Variants in MAP3K5 observed in about 807,000 individuals in gnomAD.
MAP3K5 encodes the protein mitogen-activated protein kinase kinase kinase 5.
In MAP3K5, 56 loss-of-function variants were observed where a neutral mutation model predicts 158.7. That is an observed-to-expected ratio of 0.35 (90% CI 0.28 to 0.44). The LOEUF (loss-of-function observed/expected upper bound fraction) is 0.44, where lower values mean the gene tolerates loss of function less well. MAP3K5 is among the 20% of genes least tolerant of loss of function. The probability of loss-of-function intolerance (pLI) is 1.00; values close to 1 mark genes in which losing one functional copy is unlikely to be tolerated. For synonymous variants in MAP3K5, 579 were observed against 601.7 expected (o/e 0.96, Z 0.55); for missense variants, 1,294 against 1,674.8 (o/e 0.77, Z 3.97).
chr6:136,659,113 TTTTATAA>T, intron 9 of MAP3K5, 99 bp downstream of exon 9: 1 of 1,036,832 alleles, frequency 9.6e-7, no homozygotes, highest in East Asian at 2.6e-5. Flanking sequence ...CTGCATTTTA[TTTTATAA>T]GCAAATAAAA....
At chr6:136,641,849 A>G (rs978059577) in intron 12 of MAP3K5, among the ~76,000 whole-genome samples, 1 of 151,530 alleles carries the variant, frequency 6.6e-6, no homozygotes, top group Non-Finnish European at 1.5e-5. Flanking sequence ...TTAGCTGGGC[A>G]TGGTGACATG....
At chr6:136,719,703 G>A (rs1319800128) in intron 2 of MAP3K5, among the ~76,000 whole-genome samples, 10 of 152,200 alleles carry the variant, frequency 6.6e-5, no homozygotes, top group Non-Finnish European at 1.2e-4. Context: ...GGTTGGCTCA[G>A]ATTTGGGAAC....
At chr6:136,643,549 T>C (rs1434901268) in intron 11 of MAP3K5, among the ~76,000 whole-genome samples, 7 of 152,214 alleles carry the variant, frequency 4.6e-5, no homozygotes, top group Non-Finnish European at 7.3e-5. Flanking sequence ...TGAGGTGGCC[T>C]AGAACCCTCC....
Position 136,761,543 on chromosome 6 carries a change from A to G in MAP3K5, c.448+30167T>C, listed in dbSNP as rs541856289. ...AACTGTCAACACAATAAAACTACAG[A>G]ACTTGAAAGGGGAAAATGGGAAAAT... is the stretch of plus-strand genomic sequence containing the variant. On this transcript the variant is annotated intron_variant, in intron 1 of 29. Coordinates refer to ENST00000359015, the MANE Select transcript of MAP3K5 (RefSeq NM_005923.4). Among the ~76,000 whole-genome samples, 12 of 152,232 alleles carry G rather than the reference A, an allele frequency of 7.9e-5. No individual in the cohort carries two copies. The South Asian group carries it at 1.2e-3, about 16-fold the overall frequency.
chr6:136,568,857 CAAA>C (rs60185973), intron 25 of MAP3K5, among the ~76,000 whole-genome samples: 1 of 45,940 alleles, frequency 2.2e-5, no homozygotes, highest in Non-Finnish European at 4.2e-5. Context: ...GAGTCTGTCT[CAAA>C]AAAAAAAAAA....
intron 7 of MAP3K5, among the ~76,000 whole-genome samples, chr6:136,680,211 T>C (rs761894608): frequency 6.6e-6 from 1 of 152,220 alleles, no homozygotes; most frequent in Admixed American, 6.5e-5. Flanking sequence ...GTCTAACAGA[T>C]ACAGACTTTT....
chr6:136,704,828 G>A (rs1484254237), intron 3 of MAP3K5, among the ~76,000 whole-genome samples: 2 of 152,158 alleles, frequency 1.3e-5, no homozygotes, highest in Non-Finnish European at 2.9e-5. Context: ...TTACAGGCAT[G>A]AGCCATCATA....
intron 23 of MAP3K5, among the ~76,000 whole-genome samples, chr6:136,584,699 G>A (rs920063685): frequency 6.6e-6 from 1 of 152,016 alleles, no homozygotes; most frequent in Non-Finnish European, 1.5e-5. Context: ...CAGGGAGGGA[G>A]AGGAGAAGTG....
chr6:136,711,774 C>G (rs765408816), intron 2 of MAP3K5, among the ~76,000 whole-genome samples: 12 of 151,880 alleles, frequency 7.9e-5, no homozygotes, highest in Non-Finnish European at 1.3e-4. Flanking sequence ...TATGTAAAGG[C>G]CAAATGGAGT....
chr6:136,751,874 T>C (rs927233936), intron 1 of MAP3K5, among the ~76,000 whole-genome samples: 1 of 152,224 alleles, frequency 6.6e-6, no homozygotes, highest in Non-Finnish European at 1.5e-5. Context: ...TTGCCACCCT[T>C]GAGACATAGG....
intron 25 of MAP3K5, among the ~76,000 whole-genome samples, chr6:136,568,690 T>C (rs571743595): frequency 2.0e-5 from 3 of 151,920 alleles, no homozygotes; most frequent in East Asian, 3.9e-4. Flanking sequence ...CTGGCCAACA[T>C]AGTGAAACCC....
chr6:136,697,224 T>C lies in MAP3K5; in HGVS notation c.970A>G (p.Ile324Val), dbSNP rs373910112. ...CACTTTAAACATCTTCTCACCTGGA[T>C]ATCTCTGTAGGAAAGTAACAGATTT... ...VINLLLSYRD[I>V]QDYDSIVKLV... Residue 324 changes from isoleucine (I) to valine (V), a missense_variant, in exon 5 of 30, where the codon ATC (isoleucine) becomes GTC (valine). Ile to Val is a conservative substitution (Grantham distance 29, BLOSUM62 3). Transcript: ENST00000359015. 3.1e-6 allele frequency: 5 copies of C among 1,611,688 alleles called. No homozygotes were observed. The highest frequency in any genetic ancestry group is 4.2e-6 in the Non-Finnish European group (5 of 1,178,576).
At chr6:136,605,390 C>T in intron 18 of MAP3K5, 24 bp from the exon 19 acceptor site, 9 of 1,584,070 alleles carry the variant, frequency 5.7e-6, no homozygotes, top group Non-Finnish European at 7.7e-6. Flanking sequence ...AAACACATTT[C>T]CATTTTAAAA....
intron 1 of MAP3K5, among the ~76,000 whole-genome samples, chr6:136,748,377 C>G (rs990859986): frequency 3.9e-5 from 6 of 152,108 alleles, no homozygotes; most frequent in African/African-American, 1.4e-4. Context: ...TCCTACTGCT[C>G]AAGGTCATCA....
At chr6:136,718,205 A>ATTG (rs1351400122) in intron 2 of MAP3K5, among the ~76,000 whole-genome samples, 3 of 152,050 alleles carry the variant, frequency 2.0e-5, no homozygotes, top group African/African-American at 7.2e-5. Flanking sequence ...TATTATTATT[A>ATTG]TTCTTTGTTT....
intron 14 of MAP3K5, among the ~76,000 whole-genome samples, chr6:136,628,378 CTGGGAGTACAGG>C (rs1562559965): frequency 1.3e-5 from 2 of 151,704 alleles, no homozygotes; most frequent in African/African-American, 4.8e-5. Context: ...CTCCCAACCA[CTGGGAGTACAGG>C]TGGGAGCCAT....
chr6:136,751,807 T>C (rs1007621293), intron 1 of MAP3K5, among the ~76,000 whole-genome samples: 2 of 152,164 alleles, frequency 1.3e-5, no homozygotes, highest in African/African-American at 4.8e-5. Context: ...ACATGTAAAA[T>C]ATCGAAAACA....
intron 3 of MAP3K5, among the ~76,000 whole-genome samples, chr6:136,700,609 T>C (rs1780810109): frequency 6.6e-6 from 1 of 152,142 alleles, no homozygotes; most frequent in South Asian, 2.1e-4. Flanking sequence ...AGGTTGAGAT[T>C]TGAATTTGGT....
intron 13 of MAP3K5, among the ~76,000 whole-genome samples, chr6:136,637,825 G>C (rs947203226): frequency 2.0e-5 from 3 of 152,146 alleles, no homozygotes; most frequent in African/African-American, 7.2e-5. Flanking sequence ...TGATCCCACA[G>C]GCAGGTCATG....
Sources: gnomAD v4.1 joint callset for allele counts (sites outside exome capture counted in the v4.1 genomes callset) on GRCh38, gnomAD v4.1.1 for gene constraint, MANE v1.5 for transcripts, NCBI Gene and HGNC (gene_info 2026-07-23, HGNC 2026-07-21) for gene names.